FRMD4A: variants seen among roughly 807,000 people sequenced by gnomAD.
FRMD4A encodes the protein FERM domain containing 4A, also known as FERM domain-containing protein 4A.
Under a neutral mutation model 129.1 loss-of-function variants are expected in FRMD4A, and 29 were observed. The ratio of observed to expected loss-of-function variants is 0.22; its 90% CI spans 0.17 to 0.31. The LOEUF (loss-of-function observed/expected upper bound fraction) is 0.31, where lower values mean the gene tolerates loss of function less well. FRMD4A is among the 10% of genes least tolerant of loss of function. FRMD4A has a pLI of 1.00. For synonymous variants in FRMD4A, 634 were observed against 571.6 expected (o/e 1.11, Z -1.56); for missense variants, 1,272 against 1,375.8 (o/e 0.92, Z 1.19).
At chr10:14,258,287 T>C (rs566028340) in intron 2 of FRMD4A, among the ~76,000 whole-genome samples, 3 of 150,732 alleles carry the variant, frequency 2.0e-5, no homozygotes, top group Admixed American at 1.3e-4. Context: ...GGAGAAAATA[T>C]TTATAAAATG....
At chr10:13,900,500 G>A (rs767648999) in intron 2 of FRMD4A, among the ~76,000 whole-genome samples, 10 of 152,302 alleles carry the variant, frequency 6.6e-5, no homozygotes, top group South Asian at 2.1e-4. Flanking sequence ...GTATTCCAGC[G>A]AGTACCACGG....
intron 2 of FRMD4A, among the ~76,000 whole-genome samples, chr10:13,952,954 C>T (rs770339929): frequency 6.6e-6 from 1 of 152,172 alleles, no homozygotes; most frequent in African/African-American, 2.4e-5. Flanking sequence ...GCCTCAGCCT[C>T]CTAACATGCT....
At chr10:14,060,641 G>A (rs1354065546) in intron 2 of FRMD4A, among the ~76,000 whole-genome samples, 1 of 152,148 alleles carries the variant, frequency 6.6e-6, no homozygotes, top group Non-Finnish European at 1.5e-5. Flanking sequence ...TCAATAATAT[G>A]TGTCAAATGC....
rs147479665 is a variant in FRMD4A at position 13,783,939 on chromosome 10, T to C, written c.300-933A>G. Among the ~76,000 whole-genome samples, 12 of 152,370 alleles carry C rather than the reference T, an allele frequency of 7.9e-5. No homozygotes were observed. The East Asian group carries it at 2.1e-3, about 27-fold the overall frequency. The stretch of plus-strand genomic sequence containing the variant: ...TTTATAATATTGACTTTGGAGTTTA[T>C]TAAATTCTTTAATGAGATAATGCGC... On this transcript the variant is annotated intron_variant, in intron 5 of 24. Transcript: ENST00000357447.
At chr10:13,914,711 C>T (rs1345523548) in intron 2 of FRMD4A, among the ~76,000 whole-genome samples, 1 of 152,050 alleles carries the variant, frequency 6.6e-6, no homozygotes, top group East Asian at 1.9e-4. Context: ...ATTAAAAAAA[C>T]AAAACCCATA....
intron 2 of FRMD4A, among the ~76,000 whole-genome samples, chr10:13,879,299 C>T (rs1228496653): frequency 3.3e-5 from 5 of 151,950 alleles, no homozygotes; most frequent in Non-Finnish European, 7.4e-5. Context: ...GAGTTCAAAA[C>T]CAGCCTAGGC....
chr10:13,776,003 A>C (rs1034296529), intron 6 of FRMD4A, among the ~76,000 whole-genome samples: 9 of 152,268 alleles, frequency 5.9e-5, no homozygotes, highest in Admixed American at 1.3e-4. Context: ...CGATAATGTC[A>C]TGCTTATGAC....
At chr10:14,109,699 C>T (rs563592872) in intron 2 of FRMD4A, among the ~76,000 whole-genome samples, 6 of 152,164 alleles carry the variant, frequency 3.9e-5, no homozygotes, top group Non-Finnish European at 7.4e-5. Flanking sequence ...TGACCAGGTT[C>T]GGTGGCTCAC....
intron 14 of FRMD4A, among the ~76,000 whole-genome samples, chr10:13,695,219 C>T (rs2086103028): frequency 6.6e-6 from 1 of 151,964 alleles, no homozygotes; most frequent in African/African-American, 2.4e-5. Flanking sequence ...TGACTCTCTG[C>T]AACCTCTGCC....
intron 2 of FRMD4A, among the ~76,000 whole-genome samples, chr10:14,264,326 G>A (rs1844904554): frequency 1.3e-5 from 2 of 152,184 alleles, no homozygotes; most frequent in South Asian, 4.1e-4. Flanking sequence ...CAGCCCAGAA[G>A]AGGGTAGAAA....
chr10:14,287,179 G>A (rs1845708644), intron 2 of FRMD4A, among the ~76,000 whole-genome samples: 1 of 152,060 alleles, frequency 6.6e-6, no homozygotes, highest in South Asian at 2.1e-4. Flanking sequence ...GTGGTCATCA[G>A]GCATGGACCT....
At chr10:14,038,656 C>T (rs1833619685) in intron 2 of FRMD4A, among the ~76,000 whole-genome samples, 1 of 152,180 alleles carries the variant, frequency 6.6e-6, no homozygotes, top group African/African-American at 2.4e-5. Flanking sequence ...AGAAACTAAT[C>T]TCATAGACGA....
chr10:14,114,268 C>A (rs764624771), intron 2 of FRMD4A, among the ~76,000 whole-genome samples: 1 of 152,138 alleles, frequency 6.6e-6, no homozygotes, highest in Non-Finnish European at 1.5e-5. Context: ...GCCTTTCCAC[C>A]AGCCAGGTCC....
intron 2 of FRMD4A, among the ~76,000 whole-genome samples, chr10:14,158,346 C>G (rs116585908): frequency 2.0e-5 from 3 of 152,144 alleles, no homozygotes; most frequent in African/African-American, 7.2e-5. Context: ...ATTAGTGGCT[C>G]ATGCCTATAA....
intron 3 of FRMD4A, among the ~76,000 whole-genome samples, chr10:13,811,136 G>GTTT (rs796100744): frequency 6.9e-6 from 1 of 143,938 alleles, no homozygotes; most frequent in African/African-American, 2.5e-5. Flanking sequence ...TCCTAGAAGG[G>GTTT]TTTTTTTTTT....
chr10:13,850,132 T>G (rs1589021310), intron 3 of FRMD4A, among the ~76,000 whole-genome samples: 1 of 151,228 alleles, frequency 6.6e-6, no homozygotes, highest in Non-Finnish European at 1.5e-5. Context: ...ACCCAGGAGG[T>G]GGAGGTTGCA....
At chr10:14,149,232 T>C (rs1232807758) in intron 2 of FRMD4A, among the ~76,000 whole-genome samples, 1 of 152,248 alleles carries the variant, frequency 6.6e-6, no homozygotes, top group African/African-American at 2.4e-5. Context: ...GGCAACCATA[T>C]GTCTCCTTTA....
chr10:14,209,260 G>C (rs967479918), intron 2 of FRMD4A, among the ~76,000 whole-genome samples: 1 of 152,080 alleles, frequency 6.6e-6, no homozygotes, highest in East Asian at 1.9e-4. Flanking sequence ...TGGATTTCTG[G>C]GTGCCTCTAT....
chr10:13,782,818 TCTC>T (rs1193897708), intron 6 of FRMD4A, 101 bp downstream of exon 6: 1 of 709,984 alleles, frequency 1.4e-6, no homozygotes, highest in East Asian at 2.5e-5. Context: ...ATAAATGACT[TCTC>T]CTAATCAATA....
Sources: allele counts gnomAD v4.1 joint callset (sites outside exome capture counted in the v4.1 genomes callset), GRCh38; gene constraint gnomAD v4.1.1; transcripts MANE v1.5; gene names NCBI Gene and HGNC (gene_info 2026-07-23, HGNC 2026-07-21).